Variants in GSE1 observed in about 807,000 individuals in gnomAD.
GSE1 encodes Gse1 coiled-coil protein, also known as genetic suppressor element 1.
GSE1 carries 32 observed loss-of-function variants against 112.6 expected under a neutral mutation model. That is an observed-to-expected ratio of 0.28 (90% confidence interval 0.21 to 0.38). The LOEUF (loss-of-function observed/expected upper bound fraction) is 0.38, where lower values mean the gene tolerates loss of function less well. Ranked by LOEUF, GSE1 falls within the 10% of genes least tolerant of loss-of-function variation. The probability of loss-of-function intolerance (pLI) is 1.00; values close to 1 mark genes in which losing one functional copy is unlikely to be tolerated. For synonymous variants in GSE1, 1,115 were observed against 735.6 expected, an observed-to-expected ratio of 1.52 and a Z score of -8.35; for missense variants, 2,348 against 1,699.2, an observed-to-expected ratio of 1.38 and a Z score of -6.71.
At chr16:85,489,649 G>C (rs1220710713) in intron 2 of GSE1, among the ~76,000 whole-genome samples, 3 of 152,170 alleles carry the variant, frequency 2.0e-5, no homozygotes, top group Non-Finnish European at 4.4e-5. Context: ...AAGAGGATGG[G>C]CTCTTCCCAG....
chr16:85,201,095 CAG>C (rs1035651586), intron 1 of GSE1, among the ~76,000 whole-genome samples: 70 of 152,272 alleles, frequency 4.6e-4, no homozygotes, highest in Non-Finnish European at 9.3e-4. Flanking sequence ...TTTCTGGAGA[CAG>C]GGTCTTGCTC....
At chr16:85,344,587 G>T (rs1408305300) in intron 1 of GSE1, among the ~76,000 whole-genome samples, 2 of 152,254 alleles carry the variant, frequency 1.3e-5, no homozygotes, top group Non-Finnish European at 2.9e-5. Context: ...TGGCGGGCCA[G>T]GCCCTGTCCC....
intron 1 of GSE1, among the ~76,000 whole-genome samples, chr16:85,584,149 G>C (rs1036295665): frequency 1.3e-5 from 2 of 151,222 alleles, no homozygotes; most frequent in Non-Finnish European, 2.9e-5. Context: ...GTGTGCGTGC[G>C]TGCCGGTGCG....
intron 1 of GSE1, among the ~76,000 whole-genome samples, chr16:85,186,039 G>T (rs1935813930): frequency 6.6e-6 from 1 of 152,196 alleles, no homozygotes. Context: ...GACCACGATG[G>T]GCCGGGCAGC....
intron 1 of GSE1, among the ~76,000 whole-genome samples, chr16:85,632,839 G>A (rs1023132014): frequency 1.3e-5 from 2 of 152,222 alleles, no homozygotes; most frequent in Admixed American, 1.3e-4. Flanking sequence ...GTGATGTAGG[G>A]GTGGGGGCGT....
At chr16:85,451,738 T>TGGTGGTTGGTGCGTGCGCTGGA (rs2049687933) in intron 2 of GSE1, among the ~76,000 whole-genome samples, 1 of 45,958 alleles carries the variant, frequency 2.2e-5, no homozygotes, top group African/African-American at 5.7e-5. Context: ...GTGTGTGTGC[T>TGGTGGTTGGTGCGTGCGCTGGA]GGTGGTTGGT....
intron 2 of GSE1, among the ~76,000 whole-genome samples, chr16:85,467,812 T>C (rs1431387319): frequency 2.6e-5 from 4 of 152,222 alleles, no homozygotes; most frequent in African/African-American, 9.6e-5. Context: ...TTTTCAGGAC[T>C]GCCACATACC....
At chr16:85,372,254 A>G (rs2047317058) in intron 2 of GSE1, among the ~76,000 whole-genome samples, 1 of 152,048 alleles carries the variant, frequency 6.6e-6, no homozygotes, top group African/African-American at 2.4e-5. Context: ...AGGTGGGCAG[A>G]TCACTTGAGC....
intron 2 of GSE1, among the ~76,000 whole-genome samples, chr16:85,383,609 C>G (rs1212465736): frequency 6.6e-6 from 1 of 151,174 alleles, no homozygotes; most frequent in African/African-American, 2.5e-5. Context: ...CCAGACCAGC[C>G]TGGGTGACCA....
intron 15 of GSE1, among the ~76,000 whole-genome samples, chr16:85,671,302 T>C (rs1296063602): frequency 6.6e-6 from 1 of 150,862 alleles, no homozygotes; most frequent in Non-Finnish European, 1.5e-5. Context: ...TAGCCGGGCG[T>C]AGTGGCGGGC....
chr16:85,502,733 G>A (rs1347820878), intron 2 of GSE1, among the ~76,000 whole-genome samples: 1 of 152,240 alleles, frequency 6.6e-6, no homozygotes, highest in Non-Finnish European at 1.5e-5. Context: ...GAGTGAGCTG[G>A]GCAGGGCCAT....
intron 2 of GSE1, among the ~76,000 whole-genome samples, chr16:85,403,597 C>T (rs2048170356): frequency 6.6e-6 from 1 of 151,974 alleles, no homozygotes; most frequent in East Asian, 1.9e-4. Context: ...TGACACCAGC[C>T]TGGGCAACAT....
At position 85,672,745 on chromosome 16, in the gene GSE1, G is replaced by A. The variant is rs2053449295; in HGVS notation, c.*206G>A. ...TTGAATCACCGTTGTCATTCAGCGA[G>A]CAACCAATGTAGGATTGCCCACAGT... On this transcript the variant is annotated 3_prime_UTR_variant, in exon 16 of 16. Coordinates refer to ENST00000253458, the MANE Select transcript of GSE1 (RefSeq NM_014615.5). The A allele has an allele frequency of 1.5e-5, 6 of 409,132 alleles. No homozygotes were observed. The East Asian group carries it at 2.2e-4, about 15-fold the overall frequency. The allele number at this position is 409,132 out of a possible 1,614,324, so 25.3% of individuals were successfully genotyped here.
chr16:85,208,849 G>GCA (rs2075169130), intron 1 of GSE1, among the ~76,000 whole-genome samples: 1 of 103,812 alleles, frequency 9.6e-6, no homozygotes, highest in Non-Finnish European at 2.3e-5. Flanking sequence ...GCGTTCGCCT[G>GCA]TGTTGGGGTT....
intron 2 of GSE1, among the ~76,000 whole-genome samples, chr16:85,507,958 A>G (rs899684208): frequency 3.3e-5 from 5 of 152,044 alleles, no homozygotes; most frequent in Admixed American, 6.6e-5. Flanking sequence ...TGCATGACAA[A>G]GAGTGTGCCC....
intron 1 of GSE1, among the ~76,000 whole-genome samples, chr16:85,296,433 C>T (rs573598134): frequency 5.3e-5 from 8 of 152,132 alleles, no homozygotes; most frequent in African/African-American, 1.9e-4. Flanking sequence ...GGTGAAACCC[C>T]GACTCTGCTA....
chr16:85,574,986 C>CT (rs937233422), intron 1 of GSE1, among the ~76,000 whole-genome samples: 6 of 152,234 alleles, frequency 3.9e-5, no homozygotes, highest in Non-Finnish European at 7.3e-5. Flanking sequence ...CCCCCTTGCC[C>CT]TGCCAGCGGC....
chr16:85,363,117 G>C (rs771729814), intron 2 of GSE1, among the ~76,000 whole-genome samples: 6 of 152,186 alleles, frequency 3.9e-5, no homozygotes, highest in Non-Finnish European at 8.8e-5. Context: ...GATTAGAGGC[G>C]TGAGCCACCG....
intron 1 of GSE1, among the ~76,000 whole-genome samples, chr16:85,177,585 G>A (rs1269828101): frequency 4.6e-5 from 7 of 152,168 alleles, no homozygotes; most frequent in African/African-American, 1.4e-4. Flanking sequence ...GGCGATTTGC[G>A]TTGTGTACGT....
Sources: gnomAD v4.1 joint callset for allele counts (sites outside exome capture counted in the v4.1 genomes callset) on GRCh38, gnomAD v4.1.1 for gene constraint, MANE v1.5 for transcripts, NCBI Gene and HGNC (gene_info 2026-07-23, HGNC 2026-07-21) for gene names.